Variants in NPR2 observed in about 807,000 individuals in gnomAD.
NPR2 encodes atrial natriuretic peptide receptor 2.
NPR2 carries 49 observed loss-of-function variants against 120.7 expected under a neutral mutation model. The ratio of observed to expected loss-of-function variants is 0.41; its 90% CI spans 0.32 to 0.52. The LOEUF is 0.52. Ranked by LOEUF, NPR2 falls within the 20% of genes least tolerant of loss-of-function variation. The pLI is 0.36. For synonymous variants in NPR2, 484 were observed against 519.8 expected (o/e 0.93, Z 0.94); for missense variants, 931 against 1,362.9 (o/e 0.68, Z 4.99).
At chr9:35,798,183 C>T (rs976424957) in intron 2 of NPR2, among the ~76,000 whole-genome samples, 2 of 152,188 alleles carry the variant, frequency 1.3e-5, no homozygotes, top group African/African-American at 4.8e-5. Context: ...TGTTAAAAAC[C>T]TATCATCAGC....
At chr9:35,794,396 A>G (rs1366538077) in intron 2 of NPR2, among the ~76,000 whole-genome samples, 1 of 152,196 alleles carries the variant, frequency 6.6e-6, no homozygotes, top group Non-Finnish European at 1.5e-5. Flanking sequence ...TCAGGAAGAG[A>G]TCTGATCCTA....
chr9:35,805,090 C>T lies in NPR2; in HGVS notation c.1888-421C>T, dbSNP rs1828314716. On this transcript the variant is annotated intron_variant, in intron 12 of 21. Coordinates refer to ENST00000342694, the MANE Select transcript of NPR2 (RefSeq NM_003995.4). The surrounding 1 kb of genome is among the most constrained non-coding windows in gnomAD (Gnocchi z 4.9). ...TTACAACTGGTCTTCCTTGGTATAT[C>T]CAGCTACTCTTGATACCTGGGTCTC... 6.6e-6 allele frequency among the ~76,000 whole-genome samples: 1 copy of T among 152,218 alleles called. No individual in the cohort carries two copies. The highest frequency in any genetic ancestry group is 2.4e-5 in the African/African-American group (1 of 41,446).
chr9:35,795,087 G>C (rs1827908802), intron 2 of NPR2, among the ~76,000 whole-genome samples: 1 of 152,140 alleles, frequency 6.6e-6, no homozygotes, highest in South Asian at 2.1e-4. Flanking sequence ...TTGTGTTCTA[G>C]AGAATAAAAT....
intron 2 of NPR2, among the ~76,000 whole-genome samples, chr9:35,798,523 A>G (rs1828016834): frequency 6.6e-6 from 1 of 152,258 alleles, no homozygotes; most frequent in Admixed American, 6.5e-5. Flanking sequence ...TTGATACATA[A>G]TAGGCCATAT....
chr9:35,809,422 A>G lies in NPR2; in HGVS notation c.3121A>G (p.Lys1041Glu). ...MRTYWLLGER[K>E]GPPGLL is the part of the protein sequence containing the mutation. ...AACATACTGGCTCTTAGGAGAGCGGAAAGGACCTCCTGGACTCCTGTAAAC... is the reference window on the plus strand; with the variant it reads ...AACATACTGGCTCTTAGGAGAGCGGGAAGGACCTCCTGGACTCCTGTAAAC... Residue 1041 changes from lysine to glutamate, a missense_variant, in exon 22 of 22, where the codon AAA (lysine) becomes GAA (glutamate). Coordinates refer to ENST00000342694, the MANE Select transcript of NPR2 (RefSeq NM_003995.4). The surrounding 1 kb of genome is among the most constrained non-coding windows in gnomAD (Gnocchi z 4.1). 2 of 1,614,212 alleles carry G rather than the reference A, an allele frequency of 1.2e-6. No homozygotes were observed. The highest frequency in any genetic ancestry group is 1.7e-6 in the Non-Finnish European group (2 of 1,180,040).
At chr9:35,801,046 T>C in intron 6 of NPR2, 24 bp from the exon 7 acceptor site, 1 of 1,603,780 alleles carries the variant, frequency 6.2e-7, no homozygotes, top group Non-Finnish European at 8.5e-7. Context: ...ACAGTCTTCC[T>C]CAGGGTCTCT....
At position 35,805,668 on chromosome 9, in the gene NPR2, C is replaced by G. The variant is rs779677821; in HGVS notation, c.2045C>G (p.Ala682Gly). The change falls in exon 13 of 22, where the codon GCC becomes GGC. Residue 682 changes from alanine (A) to glycine (G), a missense_variant and splice_region_variant. Ala to Gly is a moderately conservative substitution (Grantham distance 60). Around this residue, in one of 3 missense-constraint regions of NPR2, gnomAD observed 681 missense variants for 974.3 expected, o/e 0.70. Transcript: ENST00000342694. This position sits in a 1 kb window ranked among gnomAD's most constrained non-coding sequence, Gnocchi z 4.9. ...AEPDDSHALYAKKLWTAPELL... is the reference protein window; with the variant it reads ...AEPDDSHALYGKKLWTAPELL... ...CCTGATGACAGCCATGCCCTCTATG[C>G]CAGTGAGGCCCACCCCCACAACCCA... 6.2e-7 allele frequency: 1 copy of G among 1,613,920 alleles called. No individual in the cohort carries two copies. The highest frequency in any genetic ancestry group is 1.7e-5 in the Admixed American group (1 of 60,036).
intron 2 of NPR2, among the ~76,000 whole-genome samples, chr9:35,797,056 T>C (rs1001635772): frequency 1.3e-5 from 2 of 152,218 alleles, no homozygotes; most frequent in African/African-American, 4.8e-5. Flanking sequence ...AGTATGTTGA[T>C]ATGATTTTTC....
Position 35,806,590 on chromosome 9 carries a change from G to A in NPR2, c.2519+52G>A. On this transcript the variant is annotated intron_variant, in intron 16 of 21. Coordinates refer to ENST00000342694, the MANE Select transcript of NPR2 (RefSeq NM_003995.4). This position sits in a 1 kb window ranked among gnomAD's most constrained non-coding sequence, Gnocchi z 4.6. ...TTTCTTTTGGGATTCTGCTCTGTTG[G>A]GCTCTGCCTCATCAGGCACCTGAGA... 6.2e-7 allele frequency: 1 copy of A among 1,607,902 alleles called. No individual in the cohort carries two copies. The highest frequency in any genetic ancestry group is 1.1e-5 in the South Asian group (1 of 90,704).
chr9:35,808,608 C>T lies in NPR2; in HGVS notation c.2812C>T (p.Leu938=). 2 of 1,614,180 alleles carry T rather than the reference C, an allele frequency of 1.2e-6. No individual in the cohort carries two copies. The highest frequency in any genetic ancestry group is 1.7e-6 in the Non-Finnish European group (2 of 1,179,994). Residue 938 remains leucine, a synonymous_variant, in exon 19 of 22, where the codon CTA becomes TTA. Transcript: ENST00000342694. This position sits in a 1 kb window ranked among gnomAD's most constrained non-coding sequence, Gnocchi z 4.0. The part of the protein sequence containing the change: ...PEIARMALAL[L]DAVSSFRIRH... ...AATTGCTCGTATGGCCCTAGCATTA[C>T]TAGATGCAGTTTCTTCCTTTCGCAT...
chr9:35,792,789 T>C lies in NPR2; in HGVS notation c.381T>C (p.Ser127=), dbSNP rs1420791224. The C allele has an allele frequency of 1.2e-6, 2 of 1,614,184 alleles. No homozygotes were observed. Among genetic ancestry groups the C allele is most frequent in the African/African-American group, 2.7e-5 (2 of 75,054 alleles). ...LPLLTAGAVA[S]GFSAKNDHYR... is the part of the protein sequence containing the mutation. ...TGCTGACTGCGGGTGCTGTGGCCTC[T>C]GGTTTTTCGGCTAAGAATGACCATT... The change falls in exon 1 of 22, where the codon TCT becomes TCC. Residue 127 remains serine (S), a synonymous_variant. Transcript: ENST00000342694.
Position 35,791,925 on chromosome 9 carries a change from G to T in NPR2, c.-484G>T. On this transcript the variant is annotated 5_prime_UTR_variant, in exon 1 of 22. Transcript: ENST00000342694. The stretch of plus-strand genomic sequence containing the variant: ...CCCATGATCCCAGTCCTTCCGCGGC[G>T]CGGGCACCCTCCCACCTTACCCCCT... Among the ~76,000 whole-genome samples the T allele has an allele frequency of 6.6e-6, 1 of 151,886 alleles. No homozygotes were observed. The highest frequency in any genetic ancestry group is 1.9e-4 in the East Asian group (1 of 5,150).
rs1422137094 is a variant in NPR2 at position 35,807,080 on chromosome 9, T to C, written c.2577T>C (p.Ser859=). ...GETVQAEAFD[S]VTIYFSDIVG... ...CTGTACAGGCTGAGGCCTTTGACAG[T>C]GTTACCATCTACTTCAGTGACATTG... Residue 859 remains serine, a synonymous_variant, in exon 17 of 22, where the codon AGT becomes AGC. Transcript: ENST00000342694. 1.9e-6 allele frequency: 3 copies of C among 1,612,544 alleles called. No homozygotes were observed. The highest frequency in any genetic ancestry group is 3.3e-5 in the Admixed American group (2 of 59,924).
rs1332838425 is a variant in NPR2 at position 35,805,894 on chromosome 9, G to A, written c.2112G>A (p.Lys704=). 6.2e-7 allele frequency: 1 copy of A among 1,614,054 alleles called. No homozygotes were observed. Among genetic ancestry groups the A allele is most frequent in the Non-Finnish European group, 8.5e-7 (1 of 1,179,986 alleles). Residue 704 remains lysine (K), a synonymous_variant, in exon 14 of 22, where the codon AAG becomes AAA. Transcript: ENST00000342694. This position sits in a 1 kb window ranked among gnomAD's most constrained non-coding sequence, Gnocchi z 4.9. ...GNPLPTTGMQ[K]ADVYSFGIIL... The stretch of plus-strand genomic sequence containing the variant: ...CCTTGCCAACCACAGGCATGCAGAA[G>A]GCTGACGTCTATAGCTTTGGGATCA...
chr9:35,801,232 A>G, intron 7 of NPR2, 78 bp downstream of exon 7: 2 of 1,044,108 alleles, frequency 1.9e-6, no homozygotes, highest in East Asian at 2.4e-5. Context: ...GGTGGTCCCT[A>G]TAATGTGGGA....
chr9:35,796,337 C>T (rs1588054122), intron 2 of NPR2, among the ~76,000 whole-genome samples: 1 of 152,322 alleles, frequency 6.6e-6, no homozygotes, highest in Non-Finnish European at 1.5e-5. Flanking sequence ...AGGCATATGA[C>T]ACCATGCCCA....
rs1563991600 is a variant in NPR2, at chr9:35,806,467, G to A, written c.2448G>A (p.Val816=). ...ATGCCAATAACTTGGAGAAGCTGGT[G>A]GAGGAACGCACACAGGCCTATCTGG... ...EQYANNLEKL[V]EERTQAYLEE... The change falls in exon 16 of 22, where the codon GTG becomes GTA. Residue 816 remains valine, a synonymous_variant. Transcript: ENST00000342694. The surrounding 1 kb of genome is among the most constrained non-coding windows in gnomAD (Gnocchi z 4.6). 6.2e-7 allele frequency: 1 copy of A among 1,614,124 alleles called. No individual in the cohort carries two copies.
At chr9:35,796,135 G>A (rs1280778250) in intron 2 of NPR2, among the ~76,000 whole-genome samples, 1 of 152,200 alleles carries the variant, frequency 6.6e-6, no homozygotes, top group Non-Finnish European at 1.5e-5. Context: ...AGCTGGTGTG[G>A]ACTGCAGAAG....
intron 3 of NPR2, 127 bp downstream of exon 3, chr9:35,799,858 A>T: frequency 7.2e-7 from 1 of 1,389,874 alleles, no homozygotes; most frequent in Non-Finnish European, 1.0e-6. Flanking sequence ...TCTGTCCAGG[A>T]TTTTTCCTTC....
Sources: gnomAD v4.1 joint callset for allele counts (sites outside exome capture counted in the v4.1 genomes callset) on GRCh38, gnomAD v4.1.1 for gene constraint, gnomAD v4.1.1 regional missense constraint, Gnocchi (gnomAD v3.1) non-coding constraint, MANE v1.5 for transcripts, NCBI Gene and HGNC (gene_info 2026-07-23, HGNC 2026-07-21) for gene names.